Variants in PUM1 observed in about 807,000 individuals in gnomAD.
PUM1 encodes pumilio homolog 1.
In PUM1, 13 loss-of-function variants were observed where a neutral mutation model predicts 131.8. The observed-to-expected ratio is 0.10, with a 90% confidence interval of 0.06 to 0.16. PUM1 has a LOEUF of 0.16. Ranked by LOEUF, PUM1 falls within the 10% of genes least tolerant of loss-of-function variation. The probability of loss-of-function intolerance (pLI) is 1.00; values close to 1 mark genes in which losing one functional copy is unlikely to be tolerated. For synonymous variants in PUM1, 509 were observed against 556.5 expected (o/e 0.91, Z 1.20); for missense variants, 961 against 1,512.4 (o/e 0.64, Z 6.05).
chr1:31,041,234 C>G (rs982768282), intron 2 of PUM1, among the ~76,000 whole-genome samples: 2 of 152,054 alleles, frequency 1.3e-5, no homozygotes, highest in Non-Finnish European at 2.9e-5. Context: ...AACTAAACTC[C>G]TAGGCTTTTT....
intron 14 of PUM1, among the ~76,000 whole-genome samples, chr1:30,961,516 C>A (rs1557556077): frequency 6.6e-6 from 1 of 151,828 alleles, no homozygotes; most frequent in African/African-American, 2.4e-5. Context: ...AGAGCAAGAC[C>A]CTGTCCCAAA....
At chr1:30,968,058 C>T (rs531316415) in intron 11 of PUM1, 2 of 459,656 alleles carry the variant, frequency 4.4e-6, no homozygotes, top group Non-Finnish European at 4.2e-6. Flanking sequence ...CTAGCTTGGC[C>T]ACTCCATCTA....
intron 3 of PUM1, among the ~76,000 whole-genome samples, chr1:31,015,912 A>G (rs1352806460): frequency 6.6e-6 from 1 of 151,982 alleles, no homozygotes; most frequent in Non-Finnish European, 1.5e-5. Flanking sequence ...ACCTCAGGTG[A>G]TCCACCCGCC....
At chr1:30,988,291 G>T (rs145933165) in intron 7 of PUM1, among the ~76,000 whole-genome samples, 41 of 152,296 alleles carry the variant, frequency 2.7e-4, no homozygotes, top group Middle Eastern at 3.4e-3. Flanking sequence ...AGTTTGCAAT[G>T]AATTAAATGA....
At chr1:31,001,113 G>A in intron 5 of PUM1, among the ~76,000 whole-genome samples, 1 of 152,222 alleles carries the variant, frequency 6.6e-6, no homozygotes, top group East Asian at 1.9e-4. Context: ...GAACCCGGGA[G>A]GCGGAGCTTG....
At chr1:30,967,656 C>A (rs1640678016) in intron 11 of PUM1, among the ~76,000 whole-genome samples, 1 of 152,124 alleles carries the variant, frequency 6.6e-6, no homozygotes, top group Non-Finnish European at 1.5e-5. Context: ...TAAGAACACA[C>A]AAAGGCTCAG....
At chr1:31,049,243 C>A (rs564429057) in intron 2 of PUM1, among the ~76,000 whole-genome samples, 112 of 150,690 alleles carry the variant, frequency 7.4e-4, no homozygotes, top group Non-Finnish European at 1.4e-3. Flanking sequence ...TGGCTGGGGG[C>A]GGTGGCTCAT....
intron 12 of PUM1, 39 bp from the exon 13 acceptor site, chr1:30,966,317 A>G: frequency 2.0e-6 from 3 of 1,519,484 alleles, no homozygotes; most frequent in South Asian, 2.6e-5. Context: ...TATGAAAGGG[A>G]CTGGCCACAT....
chr1:30,980,245 A>G, intron 8 of PUM1, 82 bp from the exon 9 acceptor site: 1 of 1,066,420 alleles, frequency 9.4e-7, no homozygotes, highest in Non-Finnish European at 1.4e-6. Context: ...TTCGCTATTC[A>G]CTCCAGACAG....
At chr1:31,015,605 T>C (rs1642785791) in intron 3 of PUM1, among the ~76,000 whole-genome samples, 1 of 152,044 alleles carries the variant, frequency 6.6e-6, no homozygotes, top group Admixed American at 6.6e-5. Flanking sequence ...CCTCCCAAAG[T>C]GCTGGGATTA....
chr1:30,967,059 C>T, intron 12 of PUM1, 108 bp downstream of exon 12: 3 of 1,309,422 alleles, frequency 2.3e-6, no homozygotes, highest in Non-Finnish European at 3.2e-6. Context: ...CAGGGTAGAA[C>T]CGATATACTG....
At chr1:31,015,368 G>C (rs1180363840) in intron 3 of PUM1, among the ~76,000 whole-genome samples, 1 of 151,468 alleles carries the variant, frequency 6.6e-6, no homozygotes, top group Non-Finnish European at 1.5e-5. Context: ...TTGAGACGGA[G>C]TCTCGCTCTG....
Position 31,059,441 on chromosome 1 carries a change from T to C in PUM1, c.126A>G (p.Thr42=). 6.2e-7 allele frequency: 1 copy of C among 1,614,228 alleles called. No homozygotes were observed. The highest frequency in any genetic ancestry group is 8.5e-7 in the Non-Finnish European group (1 of 1,180,036). The stretch of plus-strand genomic sequence containing the variant: ...CTGGTTGTGGCTGCGCTTGCGACCC[T>C]GTTCCAGATGTCAAAACAACAGGCA... ...PNMPVVLTSG[T]GSQAQPQPAA... is the part of the protein sequence containing the mutation. Residue 42 remains threonine (T), a synonymous_variant, in exon 2 of 22, where the codon ACA becomes ACG. Coordinates refer to ENST00000426105, the MANE Select transcript of PUM1 (RefSeq NM_001020658.2).
chr1:31,054,026 G>A (rs1199494469), intron 2 of PUM1, among the ~76,000 whole-genome samples: 5 of 149,708 alleles, frequency 3.3e-5, no homozygotes, highest in South Asian at 2.1e-4. Flanking sequence ...CCCAGGAGGC[G>A]GAGGTTGCAG....
At chr1:30,955,402 T>C (rs1640119056) in intron 14 of PUM1, among the ~76,000 whole-genome samples, 1 of 151,144 alleles carries the variant, frequency 6.6e-6, no homozygotes, top group African/African-American at 2.4e-5. Context: ...GAGGCAGGGC[T>C]TGCAGTGAGC....
chr1:30,969,316 CAA>C (rs763999971), intron 10 of PUM1, among the ~76,000 whole-genome samples: 4 of 51,176 alleles, frequency 7.8e-5, no homozygotes, highest in Non-Finnish European at 1.2e-4. Flanking sequence ...AACACACACA[CAA>C]AAAAAAAAAA....
chr1:31,045,635 C>T (rs1643938837), intron 2 of PUM1, among the ~76,000 whole-genome samples: 1 of 151,886 alleles, frequency 6.6e-6, no homozygotes, highest in Non-Finnish European at 1.5e-5. Flanking sequence ...TATTTAGGGC[C>T]CCCAATTTCC....
At chr1:30,941,073 TA>T in intron 20 of PUM1, 77 bp downstream of exon 20, 1 of 1,424,450 alleles carries the variant, frequency 7.0e-7, no homozygotes, top group Non-Finnish European at 9.5e-7. Flanking sequence ...ACAACAACAT[TA>T]AAAAATAAGA....
At position 30,935,622 on chromosome 1, in the gene PUM1, C is replaced by A. The variant is rs1639175455; in HGVS notation, c.3435+1021G>T. 8.8e-6 allele frequency: 4 copies of A among 454,404 alleles called. No homozygotes were observed. The Admixed American group carries it at 9.3e-5, about 11-fold the overall frequency. 28.1% of individuals were successfully genotyped at this position (454,404 alleles called of 1,614,324 possible). On this transcript the variant is annotated intron_variant, in intron 21 of 21. Coordinates refer to ENST00000426105, the MANE Select transcript of PUM1 (RefSeq NM_001020658.2). ...CTGGGACTCCCCCAGCCTTCAACTG[C>A]CACTGCCAACACCAGTGCAGTGGTT...
Sources: gnomAD v4.1 joint callset for allele counts (sites outside exome capture counted in the v4.1 genomes callset) on GRCh38, gnomAD v4.1.1 for gene constraint, MANE v1.5 for transcripts, NCBI Gene and HGNC (gene_info 2026-07-23, HGNC 2026-07-21) for gene names.